The following SPTA1 variants were observed in gnomAD, a reference collection of about 807,000 sequenced individuals.
SPTA1 encodes spectrin alpha, erythrocytic 1.
A neutral mutation model predicts 324.7 loss-of-function variants in SPTA1; 177 were observed. That is an observed-to-expected ratio of 0.55 (90% CI 0.48 to 0.62). The LOEUF is 0.62. Ranked by LOEUF, SPTA1 falls within the 20% of genes least tolerant of loss-of-function variation. The pLI is 0.00. For missense variants in SPTA1, 3,162 were observed against 2,883.6 expected, an observed-to-expected ratio of 1.10 and a Z score of -2.21; for synonymous variants, 1,195 against 1,041.3, an observed-to-expected ratio of 1.15 and a Z score of -2.84.
intron 20 of SPTA1, among the ~76,000 whole-genome samples, chr1:158,656,314 G>T (rs1254125862): frequency 6.6e-6 from 1 of 152,126 alleles, no homozygotes; most frequent in Non-Finnish European, 1.5e-5. Flanking sequence ...AAATATAAAA[G>T]GAAGGAAAGA....
chr1:158,669,648 A>C, intron 13 of SPTA1, 61 bp downstream of exon 13: 1 of 1,613,990 alleles, frequency 6.2e-7, no homozygotes, highest in South Asian at 1.1e-5. Context: ...CACCATGCCC[A>C]CCAAAACTCT....
chr1:158,668,073 A>G lies in SPTA1; in HGVS notation c.1834-11T>C. On this transcript the variant is annotated splice_polypyrimidine_tract_variant and intron_variant, in intron 14 of 51. Coordinates refer to ENST00000643759, the MANE Select transcript of SPTA1 (RefSeq NM_003126.4). ...CAAGTTCTGTATGTCCTGAGATAAG[A>G]TGAAAAAAAAAAAAAAAACCATTAC... 1 of 1,492,768 alleles carries G rather than the reference A, an allele frequency of 6.7e-7. No homozygotes were observed. Among genetic ancestry groups the G allele is most frequent in the Non-Finnish European group, 9.0e-7 (1 of 1,114,982 alleles). The allele number at this position is 1,492,768 out of a possible 1,614,324, so 92.5% of individuals were successfully genotyped here.
rs759827419 is a variant in SPTA1 at position 158,677,828 on chromosome 1, C to T, written c.819G>A (p.Val273=). The T allele has an allele frequency of 5.6e-6, 9 of 1,613,388 alleles. No individual in the cohort carries two copies. The South Asian group carries it at 7.7e-5, about 14-fold the overall frequency. ...CCTTGATCCACTGGATGGCTTCAGTCACATCCCTGCAGTCATTAACAAGAG... is the reference window on the plus strand; with the variant it reads ...CCTTGATCCACTGGATGGCTTCAGTTACATCCCTGCAGTCATTAACAAGAG... ...AANLQRFKRD[V]TEAIQWIKEK... Residue 273 remains valine (V), a synonymous_variant, in exon 7 of 52, where the codon GTG becomes GTA. Transcript: ENST00000643759.
chr1:158,613,598 G>T, intron 50 of SPTA1, 123 bp downstream of exon 50: 1 of 1,389,282 alleles, frequency 7.2e-7, no homozygotes, highest in South Asian at 1.2e-5. Flanking sequence ...TTCATTTATG[G>T]TTGCCTATTT....
intron 8 of SPTA1, among the ~76,000 whole-genome samples, chr1:158,675,752 C>A (rs528635730): frequency 6.6e-6 from 1 of 152,080 alleles, no homozygotes; most frequent in Non-Finnish European, 1.5e-5. Context: ...AAGTGACTAA[C>A]GAGTGAGTAG....
chr1:158,631,933 A>G (rs1315323280), intron 39 of SPTA1, among the ~76,000 whole-genome samples: 1 of 152,170 alleles, frequency 6.6e-6, no homozygotes, highest in African/African-American at 2.4e-5. Context: ...CAGCAATTCT[A>G]TTTCTGGGTA....
At chr1:158,659,595 A>ATTATTTTTTTT (rs1345384278) in intron 18 of SPTA1, among the ~76,000 whole-genome samples, 98 of 68,780 alleles carry the variant, frequency 1.4e-3, no homozygotes, top group Non-Finnish European at 2.9e-3. Context: ...TCTTAGCATT[A>ATTATTTTTTTT]TTTTTTTTTT....
At chr1:158,618,236 CAG>C in intron 45 of SPTA1, 180 bp from the exon 46 acceptor site, 1 of 639,766 alleles carries the variant, frequency 1.6e-6, no homozygotes, top group Non-Finnish European at 2.8e-6. Flanking sequence ...CTGAGAAGAT[CAG>C]AGTCTCCCAT....
chr1:158,680,206 T>C (rs1010818811), intron 5 of SPTA1, among the ~76,000 whole-genome samples: 1 of 152,150 alleles, frequency 6.6e-6, no homozygotes, highest in Non-Finnish European at 1.5e-5. Flanking sequence ...TCAACATTAT[T>C]TTATATGCTC....
At chr1:158,677,016 C>T (rs548891417) in intron 7 of SPTA1, among the ~76,000 whole-genome samples, 17 of 152,210 alleles carry the variant, frequency 1.1e-4, no homozygotes, top group African/African-American at 4.1e-4. Flanking sequence ...AGAAACTGGA[C>T]ACAGGGACAG....
At chr1:158,661,445 C>T in intron 17 of SPTA1, 36 bp from the exon 18 acceptor site, 3 of 1,613,322 alleles carry the variant, frequency 1.9e-6, no homozygotes, top group Non-Finnish European at 2.5e-6. Flanking sequence ...TTCGGATTAT[C>T]CTGGTGTATG....
intron 47 of SPTA1, among the ~76,000 whole-genome samples, chr1:158,617,180 G>A (rs919253503): frequency 6.6e-6 from 1 of 152,020 alleles, no homozygotes; most frequent in African/African-American, 2.4e-5. Flanking sequence ...TTTTACATTT[G>A]CTCCTTTACT....
At position 158,643,613 on chromosome 1, in the gene SPTA1, G is replaced by C. The variant is rs979512757; in HGVS notation, c.4339-188C>G. ...TAGGAGGAGAAACATCTAATAATGGGCTACTTGTGTGGTACAGAGTTCCCT... is the reference window on the plus strand; with the variant it reads ...TAGGAGGAGAAACATCTAATAATGGCCTACTTGTGTGGTACAGAGTTCCCT... On this transcript the variant is annotated intron_variant, in intron 30 of 51. Coordinates refer to ENST00000643759, the MANE Select transcript of SPTA1 (RefSeq NM_003126.4). Among the ~76,000 whole-genome samples the C allele has an allele frequency of 2.6e-5, 4 of 152,144 alleles. No homozygotes were observed. Among genetic ancestry groups the C allele is most frequent in the Non-Finnish European group, 4.4e-5 (3 of 68,024 alleles).
At chr1:158,682,261 A>T (rs1053147119) in intron 3 of SPTA1, among the ~76,000 whole-genome samples, 1 of 152,204 alleles carries the variant, frequency 6.6e-6, no homozygotes, top group Non-Finnish European at 1.5e-5. Context: ...CCTATGTCAT[A>T]TCTTCAAGAA....
At chr1:158,655,535 A>T (rs1477229410) in intron 20 of SPTA1, among the ~76,000 whole-genome samples, 5 of 151,690 alleles carry the variant, frequency 3.3e-5, no homozygotes, top group Non-Finnish European at 1.5e-5. Flanking sequence ...ACAATATATA[A>T]ATCCTTCTGT....
intron 2 of SPTA1, 73 bp downstream of exon 2, chr1:158,685,035 C>G (rs993616152): frequency 1.8e-5 from 28 of 1,585,374 alleles, no homozygotes; most frequent in Non-Finnish European, 2.3e-5. Context: ...TTAACATTAA[C>G]ATAAAGAAAA....
chr1:158,681,729 G>A (rs1256791478), intron 3 of SPTA1, 62 bp from the exon 4 acceptor site: 2 of 1,607,404 alleles, frequency 1.2e-6, no homozygotes, highest in East Asian at 2.2e-5. Context: ...AACACTCAGA[G>A]ACTTGTGCAG....
At chr1:158,642,173 G>A (rs71632626) in intron 33 of SPTA1, among the ~76,000 whole-genome samples, 1 of 151,956 alleles carries the variant, frequency 6.6e-6, no homozygotes, top group African/African-American at 2.4e-5. Flanking sequence ...GTGGGGGGAG[G>A]AGGGAGGGAT....
chr1:158,661,482 A>G, intron 17 of SPTA1, 73 bp from the exon 18 acceptor site: 1 of 1,599,990 alleles, frequency 6.3e-7, no homozygotes, highest in Non-Finnish European at 8.5e-7. Context: ...CTTTTTTAGA[A>G]CTCTTGGACC....
Sources: allele counts gnomAD v4.1 joint callset (sites outside exome capture counted in the v4.1 genomes callset), GRCh38; gene constraint gnomAD v4.1.1; transcripts MANE v1.5; gene names NCBI Gene and HGNC (gene_info 2026-07-23, HGNC 2026-07-21).